The following ATP10A variants were observed in gnomAD, a reference collection of about 807,000 sequenced individuals.
The protein encoded by ATP10A is ATPase phospholipid transporting 10A (putative).
A neutral mutation model predicts 147.8 loss-of-function variants in ATP10A; 111 were observed. The ratio of observed to expected loss-of-function variants is 0.75; its 90% CI spans 0.64 to 0.88. The LOEUF is 0.88. Ranked by LOEUF, ATP10A falls within the 40% of genes least tolerant of loss-of-function variation. The pLI, the probability that ATP10A is intolerant of heterozygous loss-of-function variation, is 0.00. For synonymous variants in ATP10A, 875 were observed against 841.6 expected (o/e 1.04, Z -0.69); for missense variants, 1,927 against 1,959.0 (o/e 0.98, Z 0.31).
At chr15:25,686,197 A>C (rs1456698066) in intron 16 of ATP10A, among the ~76,000 whole-genome samples, 6 of 152,258 alleles carry the variant, frequency 3.9e-5, no homozygotes, top group Middle Eastern at 6.8e-3. Context: ...CGAAAAATGA[A>C]GGGGGTGAGT....
chr15:25,786,126 GC>G (rs1297536034), intron 1 of ATP10A, among the ~76,000 whole-genome samples: 1 of 152,230 alleles, frequency 6.6e-6, no homozygotes, highest in African/African-American at 2.4e-5. Context: ...GCAAGGTCGT[GC>G]CCAGGCGGGG....
At position 25,679,813 on chromosome 15, in the gene ATP10A, G is replaced by C. The variant is rs776387186; in HGVS notation, c.4028C>G (p.Thr1343Arg). The C allele has an allele frequency of 2.5e-6, 4 of 1,612,434 alleles. No homozygotes were observed. Among genetic ancestry groups the C allele is most frequent in the Non-Finnish European group, 3.4e-6 (4 of 1,179,892 alleles). ...DSGTEHSSGRTVKTSVPLSQP... is the reference protein window; with the variant it reads ...DSGTEHSSGRRVKTSVPLSQP... ...GGACAGGGGCACAGAGGTCTTGACTGTCCTCCCTGATGAGTGCTCGGTTCC... is the reference window on the plus strand; with the variant it reads ...GGACAGGGGCACAGAGGTCTTGACTCTCCTCCCTGATGAGTGCTCGGTTCC... The change falls in exon 21 of 21, where the codon ACA becomes AGA. Residue 1343 changes from threonine to arginine, a missense_variant. Thr to Arg is a moderately conservative substitution (Grantham distance 71). Transcript: ENST00000555815.
intron 2 of ATP10A, among the ~76,000 whole-genome samples, chr15:25,750,877 C>T (rs558718013): frequency 6.6e-5 from 10 of 151,702 alleles, no homozygotes; most frequent in Non-Finnish European, 1.3e-4. Context: ...TTGAAGTAAC[C>T]TCTAATGAAA....
intron 1 of ATP10A, among the ~76,000 whole-genome samples, chr15:25,850,158 T>C (rs1893217751): frequency 6.6e-6 from 1 of 152,204 alleles, no homozygotes; most frequent in South Asian, 2.1e-4. Flanking sequence ...TAGCCCATTA[T>C]GTGTATGAGA....
Position 25,679,408 on chromosome 15 carries a change from C to A in ATP10A, c.4433G>T (p.Gly1478Val), listed in dbSNP as rs1245093811. The A allele has an allele frequency of 1.9e-6, 3 of 1,612,718 alleles. No individual in the cohort carries two copies. Among genetic ancestry groups the A allele is most frequent in the Non-Finnish European group, 2.5e-6 (3 of 1,178,818 alleles). The change falls in exon 21 of 21, where the codon GGC becomes GTC. Residue 1478 changes from glycine to valine, a missense_variant. Physicochemically the swap from Gly to Val is moderately radical, Grantham distance 109. Coordinates refer to ENST00000555815, the MANE Select transcript of ATP10A (RefSeq NM_024490.4). ...GRGLPVQPHS[G>V]RSGLQGPDHR... is the part of the protein sequence containing the mutation. ...GTCTGGCCCTTGAAGTCCTGATCGG[C>A]CTGAGTGGGGCTGGACAGGAAGTCC...
chr15:25,724,041 G>A lies in ATP10A; in HGVS notation c.980-20C>T, dbSNP rs766510820. ...CATGTCCTGTAGTAATGTTCAAAGA[G>A]AAATGTCATTCATCCAATGGAAAAA... On this transcript the variant is annotated intron_variant, in intron 5 of 20. Coordinates refer to ENST00000555815, the MANE Select transcript of ATP10A (RefSeq NM_024490.4). 5.4e-6 allele frequency: 8 copies of A among 1,495,084 alleles called. No individual in the cohort carries two copies. The highest frequency in any genetic ancestry group is 1.4e-5 in the South Asian group (1 of 72,476). 92.6% of individuals were successfully genotyped at this position (1,495,084 alleles called of 1,614,324 possible). A position where few individuals can be genotyped will look rare whatever the true frequency, so the allele number is the denominator to read the frequency against.
intron 1 of ATP10A, among the ~76,000 whole-genome samples, chr15:25,834,495 C>A (rs78842084): frequency 6.6e-6 from 1 of 152,128 alleles, no homozygotes; most frequent in Non-Finnish European, 1.5e-5. Context: ...CTGAAACAGA[C>A]AGGTAAGCAT....
At position 25,810,387 on chromosome 15, in the gene ATP10A, C is replaced by T. The variant is rs1235550240; in HGVS notation, c.450-29164G>A. 2.0e-5 allele frequency among the ~76,000 whole-genome samples: 3 copies of T among 152,214 alleles called. No individual in the cohort carries two copies. In the East Asian group the frequency reaches 5.8e-4, roughly 29 times the overall value. ...CTGCACCGCTCAGCTGTCACCACTG[C>T]TTATCAGCAGTTCCAGCCCAGCCCG... On this transcript the variant is annotated intron_variant, in intron 1 of 20. Transcript: ENST00000555815.
intron 1 of ATP10A, among the ~76,000 whole-genome samples, chr15:25,786,663 T>A (rs902964948): frequency 1.6e-5 from 2 of 122,474 alleles, no homozygotes; most frequent in African/African-American, 6.2e-5. Context: ...TCTCGCTCCA[T>A]CCCTCAGGCT....
At chr15:25,749,945 AAG>A (rs1888059903) in intron 2 of ATP10A, among the ~76,000 whole-genome samples, 1 of 152,178 alleles carries the variant, frequency 6.6e-6, no homozygotes, top group African/African-American at 2.4e-5. Context: ...TAAGAGAAAA[AAG>A]AATCAAAAGA....
intron 2 of ATP10A, among the ~76,000 whole-genome samples, chr15:25,778,996 C>T (rs1889762360): frequency 6.6e-6 from 1 of 152,190 alleles, no homozygotes; most frequent in South Asian, 2.1e-4. Context: ...CCTGCCTCAG[C>T]CTCCCGAGTA....
At chr15:25,730,949 T>C (rs1266316174) in intron 3 of ATP10A, among the ~76,000 whole-genome samples, 1 of 152,146 alleles carries the variant, frequency 6.6e-6, no homozygotes, top group African/African-American at 2.4e-5. Flanking sequence ...TGAGTCTAGT[T>C]GATGCAGTTT....
At chr15:25,859,344 C>T (rs1239155357) in intron 1 of ATP10A, among the ~76,000 whole-genome samples, 1 of 152,204 alleles carries the variant, frequency 6.6e-6, no homozygotes, top group East Asian at 1.9e-4. Flanking sequence ...CCGGAGGCCA[C>T]ATCCCCCTCG....
intron 2 of ATP10A, among the ~76,000 whole-genome samples, chr15:25,764,892 T>A (rs558877170): frequency 1.3e-5 from 2 of 152,174 alleles, no homozygotes; most frequent in Non-Finnish European, 2.9e-5. Context: ...GTGGCTTCCA[T>A]GACTGGGTTC....
chr15:25,832,614 G>T (rs943626970), intron 1 of ATP10A, among the ~76,000 whole-genome samples: 1 of 147,422 alleles, frequency 6.8e-6, no homozygotes, highest in Non-Finnish European at 1.5e-5. Flanking sequence ...CTCTGCTTTC[G>T]TGCGCTATAT....
At chr15:25,830,148 C>T (rs1892294211) in intron 1 of ATP10A, among the ~76,000 whole-genome samples, 1 of 152,082 alleles carries the variant, frequency 6.6e-6, no homozygotes. Context: ...GAGGAGGAGG[C>T]CTGGTGATGT....
intron 1 of ATP10A, among the ~76,000 whole-genome samples, chr15:25,852,871 A>G (rs1893355184): frequency 1.3e-5 from 2 of 152,180 alleles, no homozygotes; most frequent in Non-Finnish European, 2.9e-5. Context: ...AGATTGGGCA[A>G]TCATTCTCCC....
At chr15:25,849,904 A>T (rs898613043) in intron 1 of ATP10A, among the ~76,000 whole-genome samples, 1 of 152,236 alleles carries the variant, frequency 6.6e-6, no homozygotes, top group Non-Finnish European at 1.5e-5. Context: ...AATGAGAGTT[A>T]AAAAAGACAC....
chr15:25,781,601 G>A (rs539770993), intron 1 of ATP10A, among the ~76,000 whole-genome samples: 1 of 151,994 alleles, frequency 6.6e-6, no homozygotes, highest in East Asian at 1.9e-4. Context: ...GTTGTAGTGA[G>A]CTGAAATCAC....
Sources: gnomAD v4.1 joint callset for allele counts (sites outside exome capture counted in the v4.1 genomes callset) on GRCh38, gnomAD v4.1.1 for gene constraint, MANE v1.5 for transcripts, NCBI Gene and HGNC (gene_info 2026-07-23, HGNC 2026-07-21) for gene names.